CDH2: variants seen among roughly 807,000 people sequenced by gnomAD.
CDH2 encodes cadherin-2.
CDH2 carries 17 observed loss-of-function variants against 92.0 expected under a neutral mutation model. The ratio of observed to expected loss-of-function variants is 0.18; its 90% CI spans 0.13 to 0.28. The LOEUF is 0.28. Among genes scored for constraint, CDH2 ranks in the 10% least tolerant of loss-of-function variants. CDH2 has a pLI of 1.00. For missense variants in CDH2, 862 were observed against 1,133.1 expected, an observed-to-expected ratio of 0.76 and a Z score of 3.44; for synonymous variants, 419 against 415.9, an observed-to-expected ratio of 1.01 and a Z score of -0.09.
intron 2 of CDH2, among the ~76,000 whole-genome samples, chr18:28,126,733 C>A (rs1290302101): frequency 6.6e-6 from 1 of 152,104 alleles, no homozygotes; most frequent in Non-Finnish European, 1.5e-5. Flanking sequence ...ATTGAGGGTG[C>A]TGTGCTTGAC....
intron 15 of CDH2, among the ~76,000 whole-genome samples, chr18:27,953,707 C>A (rs938274326): frequency 6.6e-6 from 1 of 152,078 alleles, no homozygotes; most frequent in African/African-American, 2.4e-5. Flanking sequence ...TGAGATGACA[C>A]CTTAGCTCTC....
At chr18:28,022,393 A>C (rs1286082519) in intron 2 of CDH2, among the ~76,000 whole-genome samples, 1 of 152,094 alleles carries the variant, frequency 6.6e-6, no homozygotes, top group African/African-American at 2.4e-5. Context: ...TAATATGCAT[A>C]AAATTTCCAA....
chr18:28,130,479 G>A (rs570269101), intron 2 of CDH2, among the ~76,000 whole-genome samples: 11 of 152,270 alleles, frequency 7.2e-5, no homozygotes, highest in Non-Finnish European at 8.8e-5. Context: ...ATGTATTTCC[G>A]ACATAACATT....
chr18:28,083,589 T>G (rs2014871305), intron 2 of CDH2, among the ~76,000 whole-genome samples: 1 of 152,224 alleles, frequency 6.6e-6, no homozygotes, highest in South Asian at 2.1e-4. Context: ...AAGAACTTGC[T>G]GAATAAGAAC....
chr18:28,010,964 A>T (rs577230171), intron 4 of CDH2, among the ~76,000 whole-genome samples: 1 of 151,204 alleles, frequency 6.6e-6, no homozygotes, highest in Admixed American at 6.6e-5. Context: ...AAGTTAAAGC[A>T]AAATTCCCTT....
intron 1 of CDH2, among the ~76,000 whole-genome samples, chr18:28,163,693 A>G (rs899540118): frequency 8.5e-5 from 13 of 152,276 alleles, no homozygotes; most frequent in Non-Finnish European, 1.8e-4. Context: ...TGAATAAATT[A>G]CAGCTATACA....
At chr18:27,963,656 AG>A in intron 14 of CDH2, 135 bp from the exon 15 acceptor site, 1 of 666,354 alleles carries the variant, frequency 1.5e-6, no homozygotes, top group South Asian at 2.0e-5. Context: ...TGCCACTATG[AG>A]TTTTTCATGT....
intron 2 of CDH2, among the ~76,000 whole-genome samples, chr18:28,106,155 A>T (rs1304972222): frequency 6.6e-6 from 1 of 152,184 alleles, no homozygotes; most frequent in South Asian, 2.1e-4. Context: ...AGTGGCTTAC[A>T]CCTATAATCC....
chr18:28,056,920 A>G (rs1270087497), intron 2 of CDH2, among the ~76,000 whole-genome samples: 1 of 152,196 alleles, frequency 6.6e-6, no homozygotes, highest in African/African-American at 2.4e-5. Flanking sequence ...TGTTCCAGAA[A>G]CTGTATAAAA....
chr18:28,101,166 T>A lies in CDH2; in HGVS notation c.172+46507A>T, dbSNP rs546351886. Among the ~76,000 whole-genome samples the A allele has an allele frequency of 5.3e-5, 8 of 152,284 alleles. No homozygotes were observed. The East Asian group carries it at 1.4e-3, about 26-fold the overall frequency. On this transcript the variant is annotated intron_variant, in intron 2 of 15. Transcript: ENST00000269141. The stretch of plus-strand genomic sequence containing the variant: ...AGATACTGCTAATGACTAGAATTGA[T>A]GTTAATGGCTTAAATAACTTTCTAG...
chr18:27,948,594 A>G (rs991850760), downstream of CDH2, among the ~76,000 whole-genome samples: 1 of 151,946 alleles, frequency 6.6e-6, no homozygotes, highest in Non-Finnish European at 1.5e-5. Flanking sequence ...CTCTAATTAG[A>G]AAAACACAAA....
intron 2 of CDH2, among the ~76,000 whole-genome samples, chr18:28,057,876 T>C (rs1026191264): frequency 7.2e-5 from 11 of 152,130 alleles, no homozygotes; most frequent in African/African-American, 2.7e-4. Context: ...TTTCCATTAT[T>C]AAAAGTTCTA....
rs1027078058 is a variant in CDH2, at chr18:28,177,120, G to T, written c.-98C>A. The T allele has an allele frequency of 1.3e-5, 11 of 862,348 alleles. No homozygotes were observed. The African/African-American group carries it at 2.0e-4, about 15-fold the overall frequency. The allele number at this position is 862,348 out of a possible 1,614,324, so 53.4% of individuals were successfully genotyped here. ...GCAGCGGCAGCACCAACAGCGGCGC[G>T]GAGAAACGGCTCCAGGCAGTTTCCA... On this transcript the variant is annotated 5_prime_UTR_variant, in exon 1 of 16. Coordinates refer to ENST00000269141, the MANE Select transcript of CDH2 (RefSeq NM_001792.5).
chr18:28,050,203 C>T (rs1233598611), intron 2 of CDH2, among the ~76,000 whole-genome samples: 1 of 152,130 alleles, frequency 6.6e-6, no homozygotes, highest in Non-Finnish European at 1.5e-5. Flanking sequence ...GTGGCAAATG[C>T]TAACTGAGAA....
chr18:28,105,109 C>T (rs767635343), intron 2 of CDH2, among the ~76,000 whole-genome samples: 28 of 152,064 alleles, frequency 1.8e-4, no homozygotes, highest in Non-Finnish European at 3.8e-4. Flanking sequence ...TTAATCTTTC[C>T]GGAACTCATT....
At chr18:28,109,733 ATGAAACTCTTTT>A (rs1344595513) in intron 2 of CDH2, among the ~76,000 whole-genome samples, 6 of 152,216 alleles carry the variant, frequency 3.9e-5, no homozygotes, top group African/African-American at 7.2e-5. Context: ...ACTTAAGTAT[ATGAAACTCTTTT>A]TTAAAAATTC....
intron 6 of CDH2, among the ~76,000 whole-genome samples, chr18:27,944,463 C>T (rs1909218637): frequency 2.0e-5 from 3 of 152,040 alleles, no homozygotes; most frequent in Admixed American, 2.0e-4. Context: ...AAGTTTAAAA[C>T]CTGATTAAAT....
At chr18:28,083,974 G>A (rs955941823) in intron 2 of CDH2, among the ~76,000 whole-genome samples, 6 of 152,098 alleles carry the variant, frequency 3.9e-5, no homozygotes, top group East Asian at 1.9e-4. Context: ...CAATTTTGCC[G>A]CATTTAGAGA....
At chr18:28,053,348 G>T (rs2014229678) in intron 2 of CDH2, among the ~76,000 whole-genome samples, 1 of 152,082 alleles carries the variant, frequency 6.6e-6, no homozygotes, top group Admixed American at 6.6e-5. Flanking sequence ...ATCTTTTAAA[G>T]ATTATAAAAC....
Sources: allele counts gnomAD v4.1 joint callset (sites outside exome capture counted in the v4.1 genomes callset), GRCh38; gene constraint gnomAD v4.1.1; transcripts MANE v1.5; gene names NCBI Gene and HGNC (gene_info 2026-07-23, HGNC 2026-07-21).